The following IMPDH1 variants were observed in gnomAD, a reference collection of about 807,000 sequenced individuals.
IMPDH1 encodes inosine monophosphate dehydrogenase 1, also known as inosine-5'-monophosphate dehydrogenase 1.
In IMPDH1, 41 loss-of-function variants were observed where a neutral mutation model predicts 73.5. The ratio of observed to expected loss-of-function variants is 0.56; its 90% confidence interval spans 0.43 to 0.72. The LOEUF (loss-of-function observed/expected upper bound fraction) is 0.72, where lower values mean the gene tolerates loss of function less well. Ranked by LOEUF, IMPDH1 falls within the 30% of genes least tolerant of loss-of-function variation. IMPDH1 has a pLI of 0.00. For missense variants in IMPDH1, 645 were observed against 824.8 expected, an observed-to-expected ratio of 0.78 and a Z score of 2.67; for synonymous variants, 318 against 334.3, an observed-to-expected ratio of 0.95 and a Z score of 0.53.
In IMPDH1 at chr7:128,396,709, T is replaced by A; in HGVS notation, c.1166-14A>T. The A allele has an allele frequency of 6.5e-7, 1 of 1,547,452 alleles. No homozygotes were observed. The highest frequency in any genetic ancestry group is 8.7e-7 in the Non-Finnish European group (1 of 1,143,194). ...CTGCTGTCACCACTGGGGGTGGGGATGGGGCAGAGGAACAATGTGAGGATG... is the reference window on the plus strand; with the variant it reads ...CTGCTGTCACCACTGGGGGTGGGGAAGGGGCAGAGGAACAATGTGAGGATG... On this transcript the variant is annotated splice_polypyrimidine_tract_variant and intron_variant, in intron 11 of 16. Transcript: ENST00000338791. This position sits in a 1 kb window ranked among gnomAD's most constrained non-coding sequence, Gnocchi z 4.0.
At position 128,392,696 on chromosome 7, in the gene IMPDH1, T is replaced by G. The variant is rs1797614878; in HGVS notation, c.*311A>C. On this transcript the variant is annotated 3_prime_UTR_variant, in exon 17 of 17. Transcript: ENST00000338791. ...GAAGCCAGGAGGGGCCGCCTGCCCC[T>G]GGGGTGGGGGCCAGGCTGGAGCAGG... is the stretch of plus-strand genomic sequence containing the variant. The G allele has an allele frequency of 5.0e-6, 2 of 402,150 alleles. No homozygotes were observed. The highest frequency in any genetic ancestry group is 9.2e-6 in the Non-Finnish European group (2 of 217,722). 24.9% of individuals were successfully genotyped at this position (402,150 alleles called of 1,614,324 possible). A position where few individuals can be genotyped will look rare whatever the true frequency, so the allele number is the denominator to read the frequency against.
chr7:128,393,149 C>T, intron 16 of IMPDH1, 121 bp from the exon 17 acceptor site: 1 of 1,111,848 alleles, frequency 9.0e-7, no homozygotes, highest in Non-Finnish European at 1.4e-6. Flanking sequence ...GCCCTGAGAT[C>T]TCAGCCGTAC....
chr7:128,405,952 G>GC (rs1305889949), intron 3 of IMPDH1, 87 bp from the exon 4 acceptor site: 1 of 1,237,188 alleles, frequency 8.1e-7, no homozygotes, highest in African/African-American at 1.6e-5. Flanking sequence ...TGCTGACGCC[G>GC]CGCCGCGGCC....
intron 3 of IMPDH1, among the ~76,000 whole-genome samples, chr7:128,407,626 G>A (rs1368398856): frequency 6.6e-6 from 1 of 152,190 alleles, no homozygotes; most frequent in African/African-American, 2.4e-5. Flanking sequence ...CCAACTGCAG[G>A]CACAGAGCAG....
rs954055850 is a variant in IMPDH1 at position 128,392,788 on chromosome 7, G to C, written c.*219C>G. On this transcript the variant is annotated 3_prime_UTR_variant, in exon 17 of 17. Transcript: ENST00000338791. ...CCTGGCTGGCTGGGCTCGGAGGGGG[G>C]CTCCCAGGGCAGCCTGGCCCCGGGA... The C allele has an allele frequency of 1.8e-6, 1 of 560,430 alleles. No individual in the cohort carries two copies. The highest frequency in any genetic ancestry group is 1.9e-5 in the African/African-American group (1 of 52,800). 34.7% of individuals were successfully genotyped at this position (560,430 alleles called of 1,614,324 possible).
chr7:128,399,820 A>C (rs1339427447), intron 9 of IMPDH1, among the ~76,000 whole-genome samples: 1 of 152,216 alleles, frequency 6.6e-6, no homozygotes, highest in African/African-American at 2.4e-5. Context: ...AAGATAGGGG[A>C]TAGAGAAAGG....
intron 9 of IMPDH1, 95 bp downstream of exon 9, chr7:128,399,999 TG>T: frequency 1.0e-6 from 1 of 970,498 alleles, no homozygotes; most frequent in Non-Finnish European, 1.6e-6. Context: ...GGGCTCAGTC[TG>T]GTTGCTGGGA....
chr7:128,409,229 G>A (rs983040090), intron 3 of IMPDH1, 60 bp downstream of exon 3: 12 of 1,458,282 alleles, frequency 8.2e-6, no homozygotes, highest in Middle Eastern at 1.8e-4. Flanking sequence ...ACCTTGAGGT[G>A]AGCTGCACTG....
In IMPDH1 at chr7:128,403,764, CA is replaced by C. The variant is rs771034270; in HGVS notation, c.354-11del. 2.5e-6 allele frequency: 4 copies of C among 1,613,592 alleles called. No individual in the cohort carries two copies. On this transcript the variant is annotated splice_polypyrimidine_tract_variant and intron_variant, in intron 4 of 16. Coordinates refer to ENST00000338791, the MANE Select transcript of IMPDH1 (RefSeq NM_000883.4). ...GAGAATCAGGAAGTCGCTGTGAAGA[CA>C]GAGAAGTGAGTGTTATTAGTGGGGA...
chr7:128,405,391 C>T (rs1798643996), intron 4 of IMPDH1, among the ~76,000 whole-genome samples: 1 of 152,216 alleles, frequency 6.6e-6, no homozygotes, highest in East Asian at 1.9e-4. Flanking sequence ...AGCTTGGCTC[C>T]GGGGACCCTC....
chr7:128,396,501 G>T lies in IMPDH1; in HGVS notation c.1261+99C>A. 1.0e-6 allele frequency: 1 copy of T among 994,920 alleles called. No homozygotes were observed. The allele number at this position is 994,920 out of a possible 1,614,324, so 61.6% of individuals were successfully genotyped here. ...CTGGGTCACCCCGGAGCCTACCATG[G>T]CAGAACAGGGCCTGGCAGAGAGAGT... On this transcript the variant is annotated intron_variant, in intron 12 of 16. Coordinates refer to ENST00000338791, the MANE Select transcript of IMPDH1 (RefSeq NM_000883.4). This position sits in a 1 kb window ranked among gnomAD's most constrained non-coding sequence, Gnocchi z 4.0.
chr7:128,402,422 C>T (rs893953191), intron 5 of IMPDH1, among the ~76,000 whole-genome samples: 2 of 152,142 alleles, frequency 1.3e-5, no homozygotes, highest in South Asian at 2.1e-4. Context: ...CTTTTCAATC[C>T]CTCCCTTCCT....
Position 128,394,971 on chromosome 7 carries a change from C to T in IMPDH1, c.1468G>A (p.Gly490Arg), listed in dbSNP as rs563271428. The T allele has an allele frequency of 7.4e-6, 12 of 1,614,004 alleles. No individual in the cohort carries two copies. The highest frequency in any genetic ancestry group is 2.2e-5 in the East Asian group (1 of 44,880). Residue 490 changes from glycine (G) to arginine (R), a missense_variant, in exon 14 of 17, where the codon GGG (glycine) becomes AGG (arginine). Transcript: ENST00000338791. The surrounding 1 kb of genome is among the most constrained non-coding windows in gnomAD (Gnocchi z 5.5). Reference protein sequence around the residue: ...EAPGEYFFSDGVRLKKYRGMG... With the variant: ...EAPGEYFFSDRVRLKKYRGMG... ...CCCCGGTACTTCTTGAGCCGCACCC[C>T]GTCTGAGAAGAAGTACTCGCCAGGG... is the stretch of plus-strand genomic sequence containing the variant.
Position 128,400,369 on chromosome 7 carries a change from A to G in IMPDH1, c.750T>C (p.Phe250=), listed in dbSNP as rs1798237449. The change falls in exon 8 of 17, where the codon TTT becomes TTC. Residue 250 remains phenylalanine, a synonymous_variant. Coordinates refer to ENST00000338791, the MANE Select transcript of IMPDH1 (RefSeq NM_000883.4). ...VGIVTSRDID[F]LAEKDHTTLL... ...GGGTGGTGTGGTCCTTCTCAGCAAG[A>G]AAGTCGATGTCTCGGGAGGTGACGA... The G allele has an allele frequency of 2.5e-6, 4 of 1,613,480 alleles. No individual in the cohort carries two copies. Among genetic ancestry groups the G allele is most frequent in the Non-Finnish European group, 3.4e-6 (4 of 1,179,808 alleles).
chr7:128,396,824 G>A lies in IMPDH1; in HGVS notation c.1165+108C>T. On this transcript the variant is annotated intron_variant, in intron 11 of 16. Transcript: ENST00000338791. This position sits in a 1 kb window ranked among gnomAD's most constrained non-coding sequence, Gnocchi z 4.0. ...GTGACCAAAGCCCATCATGCTCCCT[G>A]CCACCCATGCCAGGAGCCATACCAT... 2 of 1,131,700 alleles carry A rather than the reference G, an allele frequency of 1.8e-6. No homozygotes were observed. The highest frequency in any genetic ancestry group is 1.9e-5 in the Admixed American group (1 of 52,424). 70.1% of individuals were successfully genotyped at this position (1,131,700 alleles called of 1,614,324 possible).
At chr7:128,400,307 C>T in intron 8 of IMPDH1, 26 bp downstream of exon 8, 1 of 1,610,938 alleles carries the variant, frequency 6.2e-7, no homozygotes, top group East Asian at 2.2e-5. Context: ...CTACACCCAG[C>T]CCTGCTTCCC....
Position 128,396,982 on chromosome 7 carries a change from AC to A in IMPDH1, c.1114del (p.Val372CysfsTer13). On this transcript the variant is annotated frameshift_variant, in exon 11 of 17. Coordinates refer to ENST00000338791, the MANE Select transcript of IMPDH1 (RefSeq NM_000883.4). LOFTEE classifies it high-confidence loss of function. This position sits in a 1 kb window ranked among gnomAD's most constrained non-coding sequence, Gnocchi z 4.0. ...GGGGTACTTCTGTTTGATGTAATGC[AC>A]CATGGCGATCTGATACACCGAATTC... ...QGNSVYQIAMVHYIKQKYPHL... is the reference protein window; with the variant it reads ...QGNSVYQIAMXHYIKQKYPHL... 1 of 1,614,006 alleles carries A rather than the reference AC, an allele frequency of 6.2e-7. No homozygotes were observed. Among genetic ancestry groups the A allele is most frequent in the Non-Finnish European group, 8.5e-7 (1 of 1,179,952 alleles).
rs1194756688 is a variant in IMPDH1, at chr7:128,393,099, C to A, written c.1779-71G>T. 6.6e-6 allele frequency: 10 copies of A among 1,514,766 alleles called. No individual in the cohort carries two copies. The Admixed American group carries it at 1.7e-4, about 25-fold the overall frequency. 93.8% of individuals were successfully genotyped at this position (1,514,766 alleles called of 1,614,324 possible). A position where few individuals can be genotyped will look rare whatever the true frequency, so the allele number is the denominator to read the frequency against. On this transcript the variant is annotated intron_variant, in intron 16 of 16. Coordinates refer to ENST00000338791, the MANE Select transcript of IMPDH1 (RefSeq NM_000883.4). ...CCTGCTCCTTCCCAAAACCCTTTCC[C>A]CAGGGCCCCCAGATGTAGGAGAGAA...
chr7:128,404,105 T>G (rs1465193069), intron 4 of IMPDH1, among the ~76,000 whole-genome samples: 1 of 152,168 alleles, frequency 6.6e-6, no homozygotes, highest in Non-Finnish European at 1.5e-5. Flanking sequence ...CTTTGAAAAC[T>G]TCTCAATCTT....
Sources: gnomAD v4.1 joint callset for allele counts (sites outside exome capture counted in the v4.1 genomes callset) on GRCh38, gnomAD v4.1.1 for gene constraint, Gnocchi (gnomAD v3.1) non-coding constraint, MANE v1.5 for transcripts, NCBI Gene and HGNC (gene_info 2026-07-23, HGNC 2026-07-21) for gene names.